The following KCNAB2 variants were observed in gnomAD, a reference collection of about 807,000 sequenced individuals.
The protein encoded by KCNAB2 is potassium voltage-gated channel subfamily A regulatory beta subunit 2.
KCNAB2 carries 29 observed loss-of-function variants against 63.6 expected under a neutral mutation model. The ratio of observed to expected loss-of-function variants is 0.46; its 90% confidence interval spans 0.34 to 0.62. The LOEUF (loss-of-function observed/expected upper bound fraction) is 0.62, where lower values mean the gene tolerates loss of function less well. Ranked by LOEUF, KCNAB2 falls within the 20% of genes least tolerant of loss-of-function variation. The pLI, the probability that KCNAB2 is intolerant of heterozygous loss-of-function variation, is 0.01. For synonymous variants in KCNAB2, 222 were observed against 224.2 expected, an observed-to-expected ratio of 0.99 and a Z score of 0.09; for missense variants, 359 against 563.9, an observed-to-expected ratio of 0.64 and a Z score of 3.68.
upstream of KCNAB2, chr1:6,041,606 G>C: frequency 3.5e-6 from 2 of 563,920 alleles, no homozygotes; most frequent in Non-Finnish European, 6.4e-6. Flanking sequence ...CAGGAAACTG[G>C]CTCCGGGTCT....
chr1:6,055,539 A>G (rs1661746228), intron 2 of KCNAB2, among the ~76,000 whole-genome samples: 2 of 152,100 alleles, frequency 1.3e-5, no homozygotes, highest in Non-Finnish European at 1.5e-5. Flanking sequence ...TATTTTTGGT[A>G]GAGACAGAGT....
In KCNAB2 at chr1:6,028,425, C is replaced by T. The variant is rs917362175; in HGVS notation, c.-52-12092C>T. The stretch of plus-strand genomic sequence containing the variant: ...TCGGGGGCTTGGCAGGGGGGACCTC[C>T]GGGGTTCCAGAAGCAACATGCAAAA... On this transcript the variant is annotated intron_variant, in intron 1 of 16. Coordinates refer to the KCNAB2 transcript ENST00000341524. This position sits in a 1 kb window ranked among gnomAD's most constrained non-coding sequence, Gnocchi z 4.0. 6.6e-6 allele frequency among the ~76,000 whole-genome samples: 1 copy of T among 152,200 alleles called. No individual in the cohort carries two copies. Among genetic ancestry groups the T allele is most frequent in the Non-Finnish European group, 1.5e-5 (1 of 68,046 alleles).
At chr1:6,051,881 A>G (rs1057020364) in intron 2 of KCNAB2, 127 bp downstream of exon 2, 1 of 1,084,150 alleles carries the variant, frequency 9.2e-7, no homozygotes, top group South Asian at 1.8e-5. Context: ...AGGCGGGTGG[A>G]TCACCTGAGA....
chr1:6,075,725 TA>T, intron 4 of KCNAB2, among the ~76,000 whole-genome samples: 1 of 152,368 alleles, frequency 6.6e-6, no homozygotes, highest in South Asian at 2.1e-4. Context: ...TTCAGTTTTT[TA>T]TTACATATAT....
chr1:6,098,187 C>T, intron 15 of KCNAB2: 6 of 1,129,738 alleles, frequency 5.3e-6, no homozygotes, highest in Non-Finnish European at 6.5e-6. Context: ...CATGGAAGTC[C>T]AGCATTTGGC....
At chr1:6,092,259 A>T (rs1557511810) in intron 10 of KCNAB2, among the ~76,000 whole-genome samples, 1 of 152,244 alleles carries the variant, frequency 6.6e-6, no homozygotes, top group Non-Finnish European at 1.5e-5. Context: ...GTGCTCCCTC[A>T]TGTGGGCTCC....
rs564161330 is a variant in KCNAB2 at position 6,087,255 on chromosome 1, G to A, written c.426-212G>A. On this transcript the variant is annotated intron_variant, in intron 6 of 15. Coordinates refer to ENST00000378083, the MANE Select transcript of KCNAB2 (RefSeq NM_001199862.2). This position sits in a 1 kb window ranked among gnomAD's most constrained non-coding sequence, Gnocchi z 6.4. ...CTGCCTGACTCACAGTTACTGCCTCGGTGGCTGCCTCCTGGCTCCATGAGG... is the reference window on the plus strand; with the variant it reads ...CTGCCTGACTCACAGTTACTGCCTCAGTGGCTGCCTCCTGGCTCCATGAGG... 1.7e-3 allele frequency among the ~76,000 whole-genome samples: 265 copies of A among 152,282 alleles called. 1 individual carries two copies. The highest frequency in any genetic ancestry group is 6.2e-3 in the African/African-American group (257 of 41,568).
chr1:6,002,858 A>T (rs1570819007), intron 1 of KCNAB2, among the ~76,000 whole-genome samples: 1 of 151,852 alleles, frequency 6.6e-6, no homozygotes, highest in African/African-American at 2.4e-5. Flanking sequence ...AGTGTCAAGG[A>T]CTCTGCCGTC....
Position 6,073,348 on chromosome 1 carries a change from TCCCA to T in KCNAB2, c.263-384_263-381del, listed in dbSNP as rs1360642134. Among the ~76,000 whole-genome samples the T allele has an allele frequency of 5.3e-5, 8 of 151,986 alleles. No individual in the cohort carries two copies. The highest frequency in any genetic ancestry group is 1.0e-4 in the Non-Finnish European group (7 of 68,018). Reference sequence around the variant, plus strand: ...CCCTGACACCGCCCTCCCCGCTCTGTCCCAGCAGGAGCACGCAGACGCGGCTGTC... The same window carrying T: ...CCCTGACACCGCCCTCCCCGCTCTGTGCAGGAGCACGCAGACGCGGCTGTC... On this transcript the variant is annotated intron_variant, in intron 3 of 15. Transcript: ENST00000378083. The surrounding 1 kb of genome is among the most constrained non-coding windows in gnomAD (Gnocchi z 5.7).
At chr1:6,065,439 C>T (rs965597557) in intron 2 of KCNAB2, among the ~76,000 whole-genome samples, 56 of 152,338 alleles carry the variant, frequency 3.7e-4, no homozygotes, top group African/African-American at 1.3e-3. Flanking sequence ...GCCCACAGCG[C>T]GCAGAGCCAG....
chr1:6,008,848 G>T (rs12404082), intron 1 of KCNAB2, among the ~76,000 whole-genome samples: 1 of 152,162 alleles, frequency 6.6e-6, no homozygotes, highest in African/African-American at 2.4e-5. Flanking sequence ...ACTTGTTTCC[G>T]TGGGAACCTC....
In KCNAB2 at chr1:6,016,246, C is replaced by G. The variant is rs543742371; in HGVS notation, c.-53+23458C>G. ...AGGGGCCAAGCAGGGTCCCCCAGAC[C>G]ACCCTGCTGGGCCACCCTCCAACAT... is the stretch of plus-strand genomic sequence containing the variant. On this transcript the variant is annotated intron_variant, in intron 1 of 16. Coordinates refer to the KCNAB2 transcript ENST00000341524. Among the ~76,000 whole-genome samples, 406 of 152,040 alleles carry G rather than the reference C, an allele frequency of 2.7e-3. 1 individual carries two copies. Among genetic ancestry groups the G allele is most frequent in the Non-Finnish European group, 2.9e-3 (194 of 67,856 alleles).
intron 1 of KCNAB2, among the ~76,000 whole-genome samples, chr1:6,020,880 G>A (rs12071402): frequency 0.031 from 4,684 of 151,774 alleles, 247 homozygotes; most frequent in African/African-American, 0.11. Flanking sequence ...GGCTGGTCTC[G>A]AACTCCTGAC....
chr1:6,017,582 T>A (rs1375001455), intron 1 of KCNAB2, among the ~76,000 whole-genome samples: 1 of 151,974 alleles, frequency 6.6e-6, no homozygotes, highest in Non-Finnish European at 1.5e-5. Context: ...TCACTTGAGG[T>A]CAGGAGTTCG....
chr1:6,080,094 G>A (rs967706939), intron 4 of KCNAB2, among the ~76,000 whole-genome samples: 1 of 152,194 alleles, frequency 6.6e-6, no homozygotes, highest in Non-Finnish European at 1.5e-5. Flanking sequence ...AACAGAAAAC[G>A]GAGCCCTGGG....
In KCNAB2 at chr1:6,073,042, C is replaced by G. The variant is rs1032355037; in HGVS notation, c.262+244C>G. 1.9e-4 allele frequency among the ~76,000 whole-genome samples: 29 copies of G among 152,202 alleles called. No homozygotes were observed. The highest frequency in any genetic ancestry group is 7.0e-4 in the African/African-American group (29 of 41,508). On this transcript the variant is annotated intron_variant, in intron 3 of 15. Transcript: ENST00000378083. This position sits in a 1 kb window ranked among gnomAD's most constrained non-coding sequence, Gnocchi z 5.7. ...CTCAGCAGAGGAGGTGAGGCGGATA[C>G]TAGGGGCCCCTCCACACATGGTCCC...
Position 6,094,420 on chromosome 1 carries a change from C to T in KCNAB2, c.667C>T (p.His223Tyr), listed in dbSNP as rs754581869. The part of the protein sequence containing the change: ...IIEETVRAMT[H>Y]VINQGMAMYW... ...GACAGAGACCGTCCGCGCCATGACC[C>T]ACGTCATCAACCAGGGGATGGCCAT... is the stretch of plus-strand genomic sequence containing the variant. Residue 223 changes from histidine (H) to tyrosine (Y), a missense_variant, in exon 11 of 16, where the codon CAC (histidine) becomes TAC (tyrosine). Physicochemically the swap from His to Tyr is moderately conservative, Grantham distance 83. Around this residue, in one of 2 missense-constraint regions of KCNAB2, gnomAD observed 271 missense variants for 476.1 expected, o/e 0.57. Transcript: ENST00000378083. The T allele has an allele frequency of 3.7e-6, 6 of 1,611,422 alleles. No individual in the cohort carries two copies. The highest frequency in any genetic ancestry group is 5.1e-6 in the Non-Finnish European group (6 of 1,179,336).
chr1:6,071,793 A>G lies in KCNAB2; in HGVS notation c.219-962A>G, dbSNP rs3789547. ...CTGCCGCGTGGGCTCCTCCTGCCAC[A>G]TAGGGCACCTCCTGCCGCGAGGGCA... On this transcript the variant is annotated intron_variant, in intron 2 of 15. Coordinates refer to ENST00000378083, the MANE Select transcript of KCNAB2 (RefSeq NM_001199862.2). This position sits in a 1 kb window ranked among gnomAD's most constrained non-coding sequence, Gnocchi z 8.5. Among the ~76,000 whole-genome samples, 49,780 of 146,522 alleles carry G rather than the reference A, an allele frequency of 0.34. 9,963 individuals are homozygous for G. The highest frequency in any genetic ancestry group is 0.57 in the African/African-American group (23,065 of 40,126).
At chr1:6,018,770 C>G (rs1256064900) in intron 1 of KCNAB2, 1 of 152,158 alleles carries the variant, frequency 6.6e-6, no homozygotes, top group South Asian at 2.1e-4. Context: ...CAGCCAGGAC[C>G]CTGATGTTGG....
Sources: gnomAD v4.1 joint callset for allele counts (sites outside exome capture counted in the v4.1 genomes callset) on GRCh38, gnomAD v4.1.1 for gene constraint, gnomAD v4.1.1 regional missense constraint, Gnocchi (gnomAD v3.1) non-coding constraint, MANE v1.5 for transcripts, NCBI Gene and HGNC (gene_info 2026-07-23, HGNC 2026-07-21) for gene names.